RAD50: variants seen among roughly 807,000 people sequenced by gnomAD.
RAD50 encodes DNA repair protein RAD50.
A neutral mutation model predicts 168.8 loss-of-function variants in RAD50; 132 were observed. The observed-to-expected ratio is 0.78, with a 90% confidence interval of 0.68 to 0.90. The LOEUF is 0.90. Ranked by LOEUF, RAD50 falls within the 40% of genes least tolerant of loss-of-function variation. The pLI is 0.00. For missense variants in RAD50, 1,347 were observed against 1,534.4 expected (o/e 0.88, Z 2.04); for synonymous variants, 525 against 497.4 (o/e 1.06, Z -0.74).
In RAD50 at chr5:132,585,272, C is replaced by T. The variant is rs187697884; in HGVS notation, c.757-2290C>T. ...TACCATCTGGTACCACTTCATAGTC[C>T]TACCAACAATATACCAACAATTTAT... is the stretch of plus-strand genomic sequence containing the variant. On this transcript the variant is annotated intron_variant, in intron 5 of 24. Transcript: ENST00000378823. 2.9e-3 allele frequency among the ~76,000 whole-genome samples: 439 copies of T among 152,208 alleles called. 1 individual carries two copies. Among genetic ancestry groups the T allele is most frequent in the South Asian group, 5.2e-3 (25 of 4,816 alleles).
At chr5:132,566,848 C>G (rs1413349714) in intron 2 of RAD50, among the ~76,000 whole-genome samples, 1 of 152,220 alleles carries the variant, frequency 6.6e-6, no homozygotes, top group Non-Finnish European at 1.5e-5. Flanking sequence ...CTCAGATCTT[C>G]TCATCTGGTT....
In RAD50 at chr5:132,579,866, A is replaced by T. The variant is rs777863000; in HGVS notation, c.556A>T (p.Ile186Phe). The stretch of plus-strand genomic sequence containing the variant: ...TTTTGTTTCATATCTTCAAAGATAC[A>T]TTAAAGCCTTAGAAACACTTCGGCA... ...FDEIFSATRY[I>F]KALETLRQVR... The change falls in exon 5 of 25, where the codon ATT becomes TTT. Residue 186 changes from isoleucine (I) to phenylalanine (F), a missense_variant. Ile to Phe is a conservative substitution (Grantham distance 21). Around this residue, in one of 3 missense-constraint regions of RAD50, gnomAD observed 703 missense variants for 767.7 expected, o/e 0.92. Coordinates refer to ENST00000378823, the MANE Select transcript of RAD50 (RefSeq NM_005732.4). 9 of 1,609,532 alleles carry T rather than the reference A, an allele frequency of 5.6e-6. No individual in the cohort carries two copies. Among genetic ancestry groups the T allele is most frequent in the Non-Finnish European group, 5.1e-6 (6 of 1,176,048 alleles).
intron 24 of RAD50, chr5:132,641,690 G>A (rs1318582769): frequency 6.2e-6 from 1 of 160,026 alleles, no homozygotes; most frequent in East Asian, 1.8e-4. Flanking sequence ...AGTGACTGGT[G>A]GTGGCAGAAT....
At chr5:132,638,294 G>A in intron 23 of RAD50, 71 bp downstream of exon 23, 1 of 1,569,336 alleles carries the variant, frequency 6.4e-7, no homozygotes, top group Non-Finnish European at 8.7e-7. Flanking sequence ...CATCAGTGCA[G>A]TGGAAGCACC....
In RAD50 at chr5:132,618,270, A is replaced by G; in HGVS notation, c.3365A>G (p.Asp1122Gly). 6.2e-7 allele frequency: 1 copy of G among 1,614,058 alleles called. No individual in the cohort carries two copies. The highest frequency in any genetic ancestry group is 8.5e-7 in the Non-Finnish European group (1 of 1,179,974). The change falls in exon 21 of 25, where the codon GAT becomes GGT. Residue 1122 changes from aspartate (D) to glycine (G), a missense_variant. Physicochemically the swap from Asp to Gly is moderately conservative, Grantham distance 94. Transcript: ENST00000378823. ...RTTELVNKDL[D>G]IYYKTLDQAI... ...ACAGAACTTGTGAACAAGGATCTGG[A>G]TATTTATTATAAGACTCTTGACCAG...
intron 2 of RAD50, among the ~76,000 whole-genome samples, chr5:132,571,582 G>A (rs1750307913): frequency 1.3e-5 from 2 of 152,136 alleles, no homozygotes; most frequent in Admixed American, 1.3e-4. Flanking sequence ...GCGGGGTGTG[G>A]TGGCATGCAC....
chr5:132,602,968 T>C (rs1286318296), intron 13 of RAD50, among the ~76,000 whole-genome samples: 1 of 152,220 alleles, frequency 6.6e-6, no homozygotes, highest in Non-Finnish European at 1.5e-5. Context: ...AAGCAAGATC[T>C]GTCAGTGGAT....
chr5:132,595,278 G>T (rs767036416), intron 12 of RAD50: 3 of 581,472 alleles, frequency 5.2e-6, no homozygotes, highest in Non-Finnish European at 6.0e-6. Context: ...ACTGAGGTGT[G>T]AATGAGATTG....
chr5:132,646,072 T>G lies in RAD50; in HGVS notation c.*3708T>G, dbSNP rs1751842013. 1 of 110,058 alleles carries G rather than the reference T, an allele frequency of 9.1e-6. No individual in the cohort carries two copies. The highest frequency in any genetic ancestry group is 3.8e-5 in the African/African-American group (1 of 26,650). The allele number at this position is 110,058 out of a possible 1,614,324, so 6.8% of individuals were successfully genotyped here. On this transcript the variant is annotated 3_prime_UTR_variant, in exon 25 of 25. Transcript: ENST00000378823. ...ACCCCAGCCTGGGTGGGTGGCAGAG[T>G]GAGACCCTGTCTAAAAAGACAAAAA...
At chr5:132,577,367 T>A (rs79756754) in intron 3 of RAD50, among the ~76,000 whole-genome samples, 4,659 of 152,316 alleles carry the variant, frequency 0.031, 179 homozygotes, top group African/African-American at 0.099. Flanking sequence ...TAAGGTCAAA[T>A]GATTAACACC....
In RAD50 at chr5:132,603,387, G is replaced by A; in HGVS notation, c.2295G>A (p.Lys765=). Reference sequence around the variant, plus strand: ...TCAATAGAGACATACAGCGCCTAAAGAACGACATAGAAGAACAAGAAACAC... The same window carrying A: ...TCAATAGAGACATACAGCGCCTAAAAAACGACATAGAAGAACAAGAAACAC... ...QNVNRDIQRL[K]NDIEEQETLL... is the part of the protein sequence containing the mutation. The change falls in exon 14 of 25, where the codon AAG becomes AAA. Residue 765 remains lysine, a synonymous_variant. Coordinates refer to ENST00000378823, the MANE Select transcript of RAD50 (RefSeq NM_005732.4). 1 of 1,613,828 alleles carries A rather than the reference G, an allele frequency of 6.2e-7. No homozygotes were observed. The highest frequency in any genetic ancestry group is 2.2e-5 in the East Asian group (1 of 44,816).
intron 19 of RAD50, 68 bp from the exon 20 acceptor site, chr5:132,615,935 T>C (rs568047903): frequency 2.1e-6 from 3 of 1,396,058 alleles, no homozygotes; most frequent in East Asian, 2.3e-5. Flanking sequence ...CTGTCACCAG[T>C]TGCCTGTTAC....
chr5:132,640,883 A>G (rs904390719), intron 24 of RAD50, 78 bp downstream of exon 24: 1 of 1,599,372 alleles, frequency 6.3e-7, no homozygotes, highest in East Asian at 2.2e-5. Flanking sequence ...CTTCAAAACC[A>G]AGAGAGTTCT....
intron 9 of RAD50, 83 bp from the exon 10 acceptor site, chr5:132,591,141 T>A: frequency 7.2e-7 from 1 of 1,381,262 alleles, no homozygotes; most frequent in South Asian, 1.2e-5. Flanking sequence ...TGAGGAGTAG[T>A]TAATTTCTAA....
intron 5 of RAD50, among the ~76,000 whole-genome samples, chr5:132,586,063 A>T (rs1750590306): frequency 6.6e-6 from 1 of 152,108 alleles, no homozygotes; most frequent in African/African-American, 2.4e-5. Context: ...GAAGTCTTTG[A>T]CCCAGTGTCA....
intron 2 of RAD50, among the ~76,000 whole-genome samples, chr5:132,572,721 G>T (rs1015385179): frequency 6.6e-6 from 1 of 151,988 alleles, no homozygotes; most frequent in African/African-American, 2.4e-5. Flanking sequence ...GATCAGCTTC[G>T]GGTTTATAGC....
At chr5:132,631,337 C>G (rs1751461974) in intron 21 of RAD50, among the ~76,000 whole-genome samples, 1 of 152,128 alleles carries the variant, frequency 6.6e-6, no homozygotes, top group Non-Finnish European at 1.5e-5. Context: ...CCAGGGTGGT[C>G]TCTAACATCT....
At chr5:132,598,348 CCA>C (rs1408875964) in intron 13 of RAD50, among the ~76,000 whole-genome samples, 1 of 152,204 alleles carries the variant, frequency 6.6e-6, no homozygotes, top group Admixed American at 6.5e-5. Flanking sequence ...CCGTGCTGGG[CCA>C]CAGTTTCCCC....
intron 23 of RAD50, among the ~76,000 whole-genome samples, chr5:132,639,855 C>T (rs1343314439): frequency 6.6e-6 from 1 of 152,160 alleles, no homozygotes; most frequent in Non-Finnish European, 1.5e-5. Context: ...TGTCTTCTGG[C>T]TTGCCTAGGC....
Sources: gnomAD v4.1 joint callset for allele counts (sites outside exome capture counted in the v4.1 genomes callset) on GRCh38, gnomAD v4.1.1 for gene constraint, gnomAD v4.1.1 regional missense constraint, MANE v1.5 for transcripts, NCBI Gene and HGNC (gene_info 2026-07-23, HGNC 2026-07-21) for gene names.